Variants in COLEC11 observed in about 807,000 individuals in gnomAD.
COLEC11 encodes the protein collectin subfamily member 11.
In COLEC11, 20 loss-of-function variants were observed where a neutral mutation model predicts 27.3. The ratio of observed to expected loss-of-function variants is 0.73; its 90% CI spans 0.51 to 1.06. The LOEUF (loss-of-function observed/expected upper bound fraction) is 1.06. Ranked by LOEUF, COLEC11 falls within the 50% of genes least tolerant of loss-of-function variation. The probability of loss-of-function intolerance (pLI) is 0.00; values close to 1 mark genes in which losing one functional copy is unlikely to be tolerated. For missense variants in COLEC11, 310 were observed against 383.0 expected (o/e 0.81, Z 1.59); for synonymous variants, 163 against 154.7 (o/e 1.05, Z -0.40).
At chr2:3,615,338 ACT>A (rs1225190016) in intron 3 of COLEC11, among the ~76,000 whole-genome samples, 1 of 151,996 alleles carries the variant, frequency 6.6e-6, no homozygotes, top group Non-Finnish European at 1.5e-5. Context: ...AGTGGTGATG[ACT>A]CTTAACGAGC....
intron 1 of COLEC11, chr2:3,603,565 C>T (rs946070299): frequency 7.3e-7 from 1 of 1,375,026 alleles, no homozygotes; most frequent in Non-Finnish European, 1.0e-6. Context: ...GATCTGCCCA[C>T]CTCAGCCTCC....
chr2:3,643,859 A>T lies in COLEC11; in HGVS notation c.557A>T (p.Asn186Ile). ...TLSMPKDEAANGLMAAYLAQA... is the reference protein window; with the variant it reads ...TLSMPKDEAAIGLMAAYLAQA... The stretch of plus-strand genomic sequence containing the variant: ...AGCATGCCCAAGGACGAGGCTGCCA[A>T]TGGCCTGATGGCCGCATACCTGGCG... The change falls in exon 7 of 7, where the codon AAT becomes ATT. Residue 186 changes from asparagine (N) to isoleucine (I), a missense_variant. By Grantham distance (149) the Asn-to-Ile change is moderately radical. Transcript: ENST00000349077. The T allele has an allele frequency of 1.9e-6, 3 of 1,613,644 alleles. No homozygotes were observed. Among genetic ancestry groups the T allele is most frequent in the Non-Finnish European group, 2.5e-6 (3 of 1,179,996 alleles).
intron 2 of COLEC11, among the ~76,000 whole-genome samples, chr2:3,605,254 C>G (rs12478522): frequency 7.2e-6 from 1 of 138,324 alleles, no homozygotes; most frequent in Non-Finnish European, 1.6e-5. Context: ...CTGCACCGGC[C>G]GCAGCAGAGT....
chr2:3,632,014 G>A (rs537749803), intron 3 of COLEC11, among the ~76,000 whole-genome samples: 2 of 152,346 alleles, frequency 1.3e-5, no homozygotes, highest in South Asian at 2.1e-4. Context: ...AGCCCTGGAC[G>A]TGGAGTCAGG....
intron 3 of COLEC11, among the ~76,000 whole-genome samples, chr2:3,615,126 TTTTATTTA>T (rs70938959): frequency 1.3e-5 from 1 of 76,218 alleles, no homozygotes; most frequent in African/African-American, 4.0e-5. Context: ...TTTAAAGGGA[TTTTATTTA>T]TTTATTTATT....
At chr2:3,610,835 T>C (rs551583048) in intron 2 of COLEC11, among the ~76,000 whole-genome samples, 53 of 152,372 alleles carry the variant, frequency 3.5e-4, no homozygotes, top group African/African-American at 8.9e-4. Flanking sequence ...GGTTATTGCC[T>C]CATTTTATTC....
intron 5 of COLEC11, chr2:3,641,198 G>A: frequency 7.7e-7 from 1 of 1,300,294 alleles, no homozygotes; most frequent in Non-Finnish European, 1.0e-6. Flanking sequence ...AGGGAGAAAA[G>A]AGAGGGGCTG....
chr2:3,635,328 C>T (rs913224985), intron 3 of COLEC11, among the ~76,000 whole-genome samples: 2 of 152,070 alleles, frequency 1.3e-5, no homozygotes, highest in Non-Finnish European at 2.9e-5. Flanking sequence ...TCCCAGAACC[C>T]GCCTGCCATG....
At position 3,616,774 on chromosome 2, in the gene COLEC11, GGGGAGA is replaced by G. The variant is rs1315730763; in HGVS notation, c.202+3405_202+3410del. On this transcript the variant is annotated intron_variant, in intron 3 of 6. Transcript: ENST00000349077. ...GGAAAGAGAGGGAGAGGGAGACCGT[GGGGAGA>G]GGGAGAGGGAGACCGTGGGGAGAGG... is the stretch of plus-strand genomic sequence containing the variant. Among the ~76,000 whole-genome samples, 57 of 144,752 alleles carry G rather than the reference GGGGAGA, an allele frequency of 3.9e-4. No homozygotes were observed. The East Asian group carries it at 5.1e-3, about 13-fold the overall frequency. 95.0% of individuals were successfully genotyped at this position (144,752 alleles called of 152,430 possible).
intron 3 of COLEC11, among the ~76,000 whole-genome samples, chr2:3,628,619 C>T (rs1664740256): frequency 6.6e-6 from 1 of 152,198 alleles, no homozygotes; most frequent in Non-Finnish European, 1.5e-5. Context: ...AGTGAGACCC[C>T]CCACCCCCCA....
chr2:3,620,183 C>T, intron 3 of COLEC11, among the ~76,000 whole-genome samples: 1 of 152,012 alleles, frequency 6.6e-6, no homozygotes, highest in East Asian at 1.9e-4. Flanking sequence ...CATGAGGCTA[C>T]CAGGTCCTGG....
At chr2:3,603,001 A>G (rs1367978303) in intron 1 of COLEC11, among the ~76,000 whole-genome samples, 2 of 152,228 alleles carry the variant, frequency 1.3e-5, no homozygotes, top group Non-Finnish European at 2.9e-5. Context: ...TGGTGCCTAG[A>G]GCTGTGCCTG....
chr2:3,613,958 TTTTCTTTTTCTTTCTTTC>T (rs1194349565), intron 3 of COLEC11, among the ~76,000 whole-genome samples: 2 of 146,096 alleles, frequency 1.4e-5, no homozygotes. Context: ...TTTAAGTGTT[TTTTCTTTTTCTTTCTTTC>T]TTTCTTTTTT....
chr2:3,626,528 C>G (rs1402978950), intron 3 of COLEC11, among the ~76,000 whole-genome samples: 1 of 152,190 alleles, frequency 6.6e-6, no homozygotes, highest in East Asian at 1.9e-4. Context: ...GCCTGGTGGC[C>G]TGGTGGTTGC....
At chr2:3,633,393 T>G (rs1195220427) in intron 3 of COLEC11, among the ~76,000 whole-genome samples, 1 of 152,236 alleles carries the variant, frequency 6.6e-6, no homozygotes, top group South Asian at 2.1e-4. Flanking sequence ...CATCTCTGAA[T>G]CACACGGCCA....
intron 3 of COLEC11, among the ~76,000 whole-genome samples, chr2:3,621,641 T>C (rs1664195868): frequency 6.6e-6 from 1 of 152,206 alleles, no homozygotes; most frequent in Non-Finnish European, 1.5e-5. Flanking sequence ...CTGTTTTCCT[T>C]TGTGGTTTGA....
chr2:3,627,198 C>G (rs1664617492), intron 3 of COLEC11, among the ~76,000 whole-genome samples: 1 of 152,088 alleles, frequency 6.6e-6, no homozygotes, highest in African/African-American at 2.4e-5. Flanking sequence ...TTTCTAGGGT[C>G]CTGGGAACCA....
intron 3 of COLEC11, among the ~76,000 whole-genome samples, chr2:3,636,141 A>T (rs1438247850): frequency 1.3e-5 from 2 of 152,220 alleles, no homozygotes; most frequent in Admixed American, 6.5e-5. Flanking sequence ...ACAGAGTGTT[A>T]TCTGCGTGCG....
At position 3,595,185 on chromosome 2, in the gene COLEC11, G is replaced by C. The variant is rs912623395; in HGVS notation, c.-27+17G>C. 9.5e-6 allele frequency: 3 copies of C among 315,412 alleles called. No individual in the cohort carries two copies. Among genetic ancestry groups the C allele is most frequent in the Non-Finnish European group, 1.3e-5 (2 of 157,256 alleles). The allele number at this position is 315,412 out of a possible 1,614,324, so 19.5% of individuals were successfully genotyped here. On this transcript the variant is annotated intron_variant, in intron 1 of 6. Coordinates refer to ENST00000349077, the MANE Select transcript of COLEC11 (RefSeq NM_024027.5). ...CGTGCTCAGGTAGGAGACTCTGCCC[G>C]GGGCTGCAGCTGAGGGTTTCACGGG...
Sources: allele counts gnomAD v4.1 joint callset (sites outside exome capture counted in the v4.1 genomes callset), GRCh38; gene constraint gnomAD v4.1.1; transcripts MANE v1.5; gene names NCBI Gene and HGNC (gene_info 2026-07-23, HGNC 2026-07-21).